The following C3orf49 variants were observed in gnomAD, a reference collection of about 807,000 sequenced individuals.
C3orf49 encodes the protein chromosome 3 open reading frame 49.
A neutral mutation model predicts 13.3 loss-of-function variants in C3orf49; 27 were observed. That is an observed-to-expected ratio of 2.02 (90% CI 1.49 to 2.79). The LOEUF (loss-of-function observed/expected upper bound fraction) is 2.79, where lower values mean the gene tolerates loss of function less well. C3orf49 is among the 30% of genes most tolerant of loss of function. C3orf49 has a pLI of 0.00. For missense variants in C3orf49, 242 were observed against 134.2 expected, an observed-to-expected ratio of 1.80 and a Z score of -3.97; for synonymous variants, 87 against 47.6, an observed-to-expected ratio of 1.83 and a Z score of -3.40.
chr3:63,820,696 T>C (rs941924601), intron 1 of C3orf49, among the ~76,000 whole-genome samples: 2 of 152,152 alleles, frequency 1.3e-5, no homozygotes, highest in African/African-American at 4.8e-5. Flanking sequence ...TAAAGGAGTC[T>C]CAGAGGGGTC....
chr3:63,843,579 T>G (rs1256787308), intron 5 of C3orf49, among the ~76,000 whole-genome samples: 2 of 152,120 alleles, frequency 1.3e-5, no homozygotes, highest in East Asian at 1.9e-4. Context: ...GGAATCAATT[T>G]GGGTGTTTAC....
intron 5 of C3orf49, chr3:63,839,764 A>G: frequency 6.2e-7 from 1 of 1,613,408 alleles, no homozygotes; most frequent in Non-Finnish European, 8.5e-7. Context: ...ACGCTTCCGT[A>G]TAACTTCGTC....
chr3:63,820,625 C>T (rs1372883758), intron 1 of C3orf49, among the ~76,000 whole-genome samples: 1 of 152,110 alleles, frequency 6.6e-6, no homozygotes, highest in African/African-American at 2.4e-5. Flanking sequence ...TTCTGTGTCA[C>T]AGTATGTGTA....
intron 5 of C3orf49, among the ~76,000 whole-genome samples, chr3:63,833,285 G>A (rs191409387): frequency 6.6e-6 from 1 of 152,016 alleles, no homozygotes; most frequent in Non-Finnish European, 1.5e-5. Context: ...TTTTAGTAGA[G>A]ATGGGGTTTC....
Position 63,831,686 on chromosome 3 carries a change from G to A in C3orf49, c.691G>A (p.Asp231Asn), listed in dbSNP as rs1049693832. Residue 231 changes from aspartate (D) to asparagine (N), a missense_variant, in exon 5 of 7, where the codon GAC (aspartate) becomes AAC (asparagine). By Grantham distance (23) the Asp-to-Asn change is conservative. Coordinates refer to ENST00000295896, the MANE Select transcript of C3orf49 (RefSeq NM_001355236.2). ...TVGKLQMQVD[D>N]LIETVTDKSM... ...TTGTATTTATCTGTCATAGGTGGAT[G>A]ACCTCATAGAAACAGTGACTGATAA... 3 of 702,890 alleles carry A rather than the reference G, an allele frequency of 4.3e-6. No individual in the cohort carries two copies. Among genetic ancestry groups the A allele is most frequent in the Admixed American group, 4.0e-5 (2 of 49,964 alleles). The allele number at this position is 702,890 out of a possible 1,614,324, so 43.5% of individuals were successfully genotyped here. A position where few individuals can be genotyped will look rare whatever the true frequency, so the allele number is the denominator to read the frequency against.
intron 5 of C3orf49, chr3:63,834,252 A>G: frequency 1.3e-6 from 2 of 1,556,998 alleles, no homozygotes; most frequent in Non-Finnish European, 1.8e-6. Context: ...TATATTTTAT[A>G]TTCGATGAAC....
chr3:63,795,580 A>T, the C3orf49 span, among the ~76,000 whole-genome samples: 1 of 152,132 alleles, frequency 6.6e-6, no homozygotes, highest in Middle Eastern at 3.4e-3. Context: ...GTCCTGTTCA[A>T]TCTCATTTGC....
At chr3:63,804,443 T>C in the C3orf49 span, among the ~76,000 whole-genome samples, 1 of 152,178 alleles carries the variant, frequency 6.6e-6, no homozygotes, top group Non-Finnish European at 1.5e-5. Context: ...GTCACATTGA[T>C]CCTTCAGTCT....
chr3:63,811,761 A>G, the C3orf49 span, among the ~76,000 whole-genome samples: 1 of 151,988 alleles, frequency 6.6e-6, no homozygotes, highest in East Asian at 1.9e-4. Context: ...TGTATTACAA[A>G]GACAAATTGT....
chr3:63,803,631 G>A, the C3orf49 span, among the ~76,000 whole-genome samples: 1 of 152,176 alleles, frequency 6.6e-6, no homozygotes, highest in Non-Finnish European at 1.5e-5. Context: ...CCATGTAGAG[G>A]AGCCCGGCTG....
rs961459378 is a variant in C3orf49, at chr3:63,831,737, C to G, written c.742C>G (p.His248Asp). 1 of 703,004 alleles carries G rather than the reference C, an allele frequency of 1.4e-6. No individual in the cohort carries two copies. Among genetic ancestry groups the G allele is most frequent in the Non-Finnish European group, 2.6e-6 (1 of 385,022 alleles). 43.5% of individuals were successfully genotyped at this position (703,004 alleles called of 1,614,324 possible). ...ATCCATGAAGCTACTGGCCCAAAGACATGCTGAGCTTCAACAGTGTGAGTT... is the reference window on the plus strand; with the variant it reads ...ATCCATGAAGCTACTGGCCCAAAGAGATGCTGAGCTTCAACAGTGTGAGTT... The part of the protein sequence containing the change: ...DKSMKLLAQR[H>D]AELQQCEFLG... The change falls in exon 5 of 7, where the codon CAT becomes GAT. Residue 248 changes from histidine (H) to aspartate (D), a missense_variant. Physicochemically the swap from His to Asp is moderately conservative, Grantham distance 81 (BLOSUM62 -1). Transcript: ENST00000295896.
intron 5 of C3orf49, among the ~76,000 whole-genome samples, chr3:63,837,605 A>G (rs887224242): frequency 4.6e-5 from 7 of 152,050 alleles, no homozygotes; most frequent in Admixed American, 6.6e-5. Flanking sequence ...AAACAAACAA[A>G]CAAAAAACCC....
the C3orf49 span, among the ~76,000 whole-genome samples, chr3:63,794,836 C>T: frequency 2.0e-5 from 3 of 152,100 alleles, no homozygotes; most frequent in Non-Finnish European, 4.4e-5. Flanking sequence ...GGCAGGGAAC[C>T]TAAGGCTGTT....
At chr3:63,786,336 C>A in the C3orf49 span, among the ~76,000 whole-genome samples, 10 of 152,080 alleles carry the variant, frequency 6.6e-5, no homozygotes, top group South Asian at 2.1e-3. Context: ...AATTTCTATT[C>A]TTTTTCAAGA....
chr3:63,803,532 C>T, the C3orf49 span, among the ~76,000 whole-genome samples: 1 of 152,230 alleles, frequency 6.6e-6, no homozygotes, highest in East Asian at 1.9e-4. Context: ...AAACAACATG[C>T]TGCTCTCAAG....
intron 1 of C3orf49, 113 bp from the exon 2 acceptor site, chr3:63,823,137 T>A (rs112896695): frequency 0.038 from 21,510 of 573,356 alleles, 601 homozygotes; most frequent in Non-Finnish European, 0.049. Context: ...ATTTCATTTT[T>A]TTTTTCTGAA....
intron 5 of C3orf49, among the ~76,000 whole-genome samples, chr3:63,841,523 T>G (rs1452255817): frequency 1.3e-5 from 2 of 152,212 alleles, no homozygotes; most frequent in South Asian, 2.1e-4. Context: ...TGAGCGCAGG[T>G]GCAGCGGAGA....
At chr3:63,840,399 C>G (rs1701731515) in intron 5 of C3orf49, among the ~76,000 whole-genome samples, 1 of 151,962 alleles carries the variant, frequency 6.6e-6, no homozygotes, top group Non-Finnish European at 1.5e-5. Flanking sequence ...TGAGACCAGC[C>G]TGACCAACAC....
the C3orf49 span, chr3:63,787,010 A>G: frequency 6.6e-6 from 1 of 152,226 alleles, no homozygotes; most frequent in Non-Finnish European, 1.5e-5. Flanking sequence ...AGTGCTATTT[A>G]CTTAACAATT....
Sources: allele counts gnomAD v4.1 joint callset (sites outside exome capture counted in the v4.1 genomes callset), GRCh38; gene constraint gnomAD v4.1.1; transcripts MANE v1.5; gene names NCBI Gene and HGNC (gene_info 2026-07-23, HGNC 2026-07-21).